NAALAD2: variants seen among roughly 807,000 people sequenced by gnomAD.
NAALAD2 encodes N-acetylated-alpha-linked acidic dipeptidase 2.
In NAALAD2, 89 loss-of-function variants were observed where a neutral mutation model predicts 95.6. The observed-to-expected ratio is 0.93, with a 90% confidence interval of 0.78 to 1.11. The LOEUF (loss-of-function observed/expected upper bound fraction) is 1.11. Among genes scored for constraint, NAALAD2 ranks in the 50% least tolerant of loss-of-function variants. The probability of loss-of-function intolerance (pLI) is 0.00; values close to 1 mark genes in which losing one functional copy is unlikely to be tolerated. For synonymous variants in NAALAD2, 264 were observed against 294.4 expected (o/e 0.90, Z 1.06); for missense variants, 894 against 872.4 (o/e 1.02, Z -0.31).
chr11:90,159,100 G>C, intron 7 of NAALAD2, 139 bp from the exon 8 acceptor site: 1 of 674,114 alleles, frequency 1.5e-6, no homozygotes, highest in Non-Finnish European at 2.6e-6. Context: ...ACAAAGGGCG[G>C]GCTTTTTGAC....
intron 2 of NAALAD2, among the ~76,000 whole-genome samples, chr11:90,140,333 A>T (rs907741207): frequency 9.9e-5 from 15 of 152,124 alleles, no homozygotes; most frequent in African/African-American, 3.6e-4. Context: ...TGTAGTCTGT[A>T]ACTGTATGCC....
intron 2 of NAALAD2, among the ~76,000 whole-genome samples, chr11:90,146,128 A>G (rs1590963732): frequency 6.6e-6 from 1 of 151,888 alleles, no homozygotes; most frequent in East Asian, 1.9e-4. Flanking sequence ...CAGTCTCCTC[A>G]TTTGCAAAAT....
Position 90,173,826 on chromosome 11 carries a change from C to A in NAALAD2, c.1413C>A (p.Ile471=), listed in dbSNP as rs1414672438. 4 of 1,611,074 alleles carry A rather than the reference C, an allele frequency of 2.5e-6. No individual in the cohort carries two copies. The highest frequency in any genetic ancestry group is 3.4e-6 in the Non-Finnish European group (4 of 1,178,670). The change falls in exon 14 of 19, where the codon ATC becomes ATA. Residue 471 remains isoleucine (I), a splice_region_variant and synonymous_variant. Coordinates refer to ENST00000534061, the MANE Select transcript of NAALAD2 (RefSeq NM_005467.4). ...CAGTATTTGATTTCTCTTTCCAGATCCCCAGCCCTGATGATGGGTTTGAGA... is the reference window on the plus strand; with the variant it reads ...CAGTATTTGATTTCTCTTTCCAGATACCCAGCCCTGATGATGGGTTTGAGA... ...YQLVYKLTKE[I]PSPDDGFESK... is the part of the protein sequence containing the mutation.
chr11:90,144,757 G>GAAAAAAAAAAAA (rs1302696048), intron 2 of NAALAD2, among the ~76,000 whole-genome samples: 28 of 129,452 alleles, frequency 2.2e-4, no homozygotes, highest in African/African-American at 3.3e-4. Flanking sequence ...AAAAAAAAAC[G>GAAAAAAAAAAAA]GAAAAGAAAG....
upstream of NAALAD2, among the ~76,000 whole-genome samples, chr11:90,132,754 A>C (rs1455308169): frequency 6.6e-6 from 1 of 152,168 alleles, no homozygotes; most frequent in Non-Finnish European, 1.5e-5. Context: ...TTCTATTCTA[A>C]TTCCCTATAT....
chr11:90,178,173 T>C lies in NAALAD2; in HGVS notation c.1858+56T>C, dbSNP rs182080700. 72 of 1,511,004 alleles carry C rather than the reference T, an allele frequency of 4.8e-5. No homozygotes were observed. The East Asian group carries it at 1.5e-3, about 32-fold the overall frequency. The allele number at this position is 1,511,004 out of a possible 1,614,324, so 93.6% of individuals were successfully genotyped here. On this transcript the variant is annotated intron_variant, in intron 16 of 18. Coordinates refer to ENST00000534061, the MANE Select transcript of NAALAD2 (RefSeq NM_005467.4). The stretch of plus-strand genomic sequence containing the variant: ...TCTTTAAGTTAGAGCTTTAAGATAT[T>C]ATCTCCTATGATGATCAATGCATAT...
At chr11:90,186,998 A>C (rs1418453530) in intron 18 of NAALAD2, among the ~76,000 whole-genome samples, 1 of 151,406 alleles carries the variant, frequency 6.6e-6, no homozygotes, top group African/African-American at 2.4e-5. Flanking sequence ...CAACCCCATC[A>C]AAAAGTGGGC....
chr11:90,192,733 T>C lies in NAALAD2; in HGVS notation c.*986T>C, dbSNP rs1440422511. On this transcript the variant is annotated 3_prime_UTR_variant, in exon 19 of 19. Coordinates refer to ENST00000534061, the MANE Select transcript of NAALAD2 (RefSeq NM_005467.4). ...ATTTCAGCTCTACTGAATAAACATATAAGTCTGATGGGTGATGAAAATAGC... is the reference window on the plus strand; with the variant it reads ...ATTTCAGCTCTACTGAATAAACATACAAGTCTGATGGGTGATGAAAATAGC... 6.6e-6 allele frequency: 1 copy of C among 151,952 alleles called. No individual in the cohort carries two copies. Among genetic ancestry groups the C allele is most frequent in the Non-Finnish European group, 1.5e-5 (1 of 67,888 alleles). 9.4% of individuals were successfully genotyped at this position (151,952 alleles called of 1,614,324 possible). A position where few individuals can be genotyped will look rare whatever the true frequency, so the allele number is the denominator to read the frequency against.
rs760862911 is a variant in NAALAD2, at chr11:90,163,013, A to G, written c.1054A>G (p.Ile352Val). The change falls in exon 9 of 19, where the codon ATC (isoleucine) becomes GTC (valine). Residue 352 changes from isoleucine (I) to valine (V), a missense_variant. Coordinates refer to ENST00000534061, the MANE Select transcript of NAALAD2 (RefSeq NM_005467.4). ...AAGGATTTACAATGTAGTTGGAACT[A>G]TCAGAGGATCTGTGGAACCTGGTGA... ...ITRIYNVVGTIRGSVEPDRYV... is the reference protein window; with the variant it reads ...ITRIYNVVGTVRGSVEPDRYV... The G allele has an allele frequency of 7.0e-6, 11 of 1,573,590 alleles. No individual in the cohort carries two copies. Among genetic ancestry groups the G allele is most frequent in the Non-Finnish European group, 9.5e-6 (11 of 1,156,376 alleles).
chr11:90,163,685 G>A, intron 11 of NAALAD2, 68 bp downstream of exon 11: 1 of 1,380,094 alleles, frequency 7.2e-7, no homozygotes, highest in East Asian at 2.3e-5. Flanking sequence ...ATGTGTCTCA[G>A]GATGATCAAA....
At chr11:90,182,211 C>G (rs1161056088) in intron 17 of NAALAD2, among the ~76,000 whole-genome samples, 1 of 152,052 alleles carries the variant, frequency 6.6e-6, no homozygotes, top group Non-Finnish European at 1.5e-5. Context: ...TTGCCACTTT[C>G]ACATTGAAAA....
At chr11:90,175,692 T>G (rs1288745941) in intron 14 of NAALAD2, among the ~76,000 whole-genome samples, 2 of 152,200 alleles carry the variant, frequency 1.3e-5, no homozygotes, top group African/African-American at 2.4e-5. Context: ...CAGTCTTTGG[T>G]GGCACAGCCC....
At chr11:90,162,292 A>C (rs1474940427) in intron 8 of NAALAD2, among the ~76,000 whole-genome samples, 1 of 152,130 alleles carries the variant, frequency 6.6e-6, no homozygotes, top group Non-Finnish European at 1.5e-5. Context: ...CTCATGAATG[A>C]ATATTTAAAA....
intron 9 of NAALAD2, 52 bp downstream of exon 9, chr11:90,163,086 A>T: frequency 7.3e-7 from 1 of 1,365,506 alleles, no homozygotes; most frequent in Non-Finnish European, 1.0e-6. Context: ...ATTAAAGGGT[A>T]AGTAAAGATA....
At chr11:90,155,313 TATATATA>T (rs1223733373) in intron 6 of NAALAD2, among the ~76,000 whole-genome samples, 2 of 119,650 alleles carry the variant, frequency 1.7e-5, no homozygotes, top group African/African-American at 3.3e-5. Context: ...ATGTATATAT[TATATATA>T]ATATATAATG....
rs1457811078 is a variant in NAALAD2 at position 90,147,570 on chromosome 11, G to T, written c.381+54G>T. ...TTTTGCAATCCGACCGTTTTATGTG[G>T]ATTGTAATGTAGGGTCAAGTAAAAG... On this transcript the variant is annotated intron_variant, in intron 3 of 18. Coordinates refer to ENST00000534061, the MANE Select transcript of NAALAD2 (RefSeq NM_005467.4). 4 of 1,469,764 alleles carry T rather than the reference G, an allele frequency of 2.7e-6. No individual in the cohort carries two copies. In the African/African-American group the frequency reaches 4.2e-5, roughly 16 times the overall value. The allele number at this position is 1,469,764 out of a possible 1,614,324, so 91.0% of individuals were successfully genotyped here. A position where few individuals can be genotyped will look rare whatever the true frequency, so the allele number is the denominator to read the frequency against.
At chr11:90,174,089 T>C (rs1257010818) in intron 14 of NAALAD2, among the ~76,000 whole-genome samples, 174 bp downstream of exon 14, 1 of 152,138 alleles carries the variant, frequency 6.6e-6, no homozygotes, top group East Asian at 1.9e-4. Context: ...CCTAGCACTT[T>C]GGGAGGCCGA....
chr11:90,155,466 A>C (rs1205761979), intron 6 of NAALAD2, among the ~76,000 whole-genome samples: 1 of 112,624 alleles, frequency 8.9e-6, no homozygotes, highest in East Asian at 2.4e-4. Flanking sequence ...ATGTAATATT[A>C]CATATACATG....
At chr11:90,134,228 C>T (rs1951401215), upstream of NAALAD2, among the ~76,000 whole-genome samples, 2 of 152,134 alleles carry the variant, frequency 1.3e-5, no homozygotes, top group Admixed American at 6.5e-5. Context: ...GCAATCCCAT[C>T]GATTTTGATG....
Sources: allele counts gnomAD v4.1 joint callset (sites outside exome capture counted in the v4.1 genomes callset), GRCh38; gene constraint gnomAD v4.1.1; transcripts MANE v1.5; gene names NCBI Gene and HGNC (gene_info 2026-07-23, HGNC 2026-07-21).